CUX1: variants seen among roughly 807,000 people sequenced by gnomAD.
The protein encoded by CUX1 is cut like homeobox 1, also known as protein CASP.
CUX1 carries 31 observed loss-of-function variants against 158.8 expected under a neutral mutation model. The ratio of observed to expected loss-of-function variants is 0.20; its 90% CI spans 0.15 to 0.26. The LOEUF (loss-of-function observed/expected upper bound fraction) is 0.26. Ranked by LOEUF, CUX1 falls within the 10% of genes least tolerant of loss-of-function variation. The probability of loss-of-function intolerance (pLI) is 1.00; values close to 1 mark genes in which losing one functional copy is unlikely to be tolerated. For missense variants in CUX1, 1,589 were observed against 2,014.6 expected, an observed-to-expected ratio of 0.79 and a Z score of 4.04; for synonymous variants, 879 against 862.1, an observed-to-expected ratio of 1.02 and a Z score of -0.34.
chr7:101,984,109 T>A (rs561242509), intron 2 of CUX1, among the ~76,000 whole-genome samples: 1,142 of 39,908 alleles, frequency 0.029, 138 homozygotes, highest in Non-Finnish European at 0.054. Context: ...TATATATATA[T>A]ATATATATAT....
At chr7:102,194,927 G>A (rs1794631438) in intron 13 of CUX1, among the ~76,000 whole-genome samples, 1 of 152,046 alleles carries the variant, frequency 6.6e-6, no homozygotes, top group Non-Finnish European at 1.5e-5. Context: ...GGGAGGCTGA[G>A]GAAGGAGAAT....
At chr7:102,125,239 G>T (rs1303434916) in intron 8 of CUX1, among the ~76,000 whole-genome samples, 2 of 152,182 alleles carry the variant, frequency 1.3e-5, no homozygotes, top group Non-Finnish European at 2.9e-5. Context: ...AACGGCCTCT[G>T]TAGCGTTCAG....
intron 7 of CUX1, among the ~76,000 whole-genome samples, chr7:102,113,783 C>A (rs1554491026): frequency 6.6e-6 from 1 of 152,082 alleles, no homozygotes; most frequent in Non-Finnish European, 1.5e-5. Flanking sequence ...CCAGGCTGGT[C>A]TTGAAGTTCT....
chr7:102,229,903 T>C (rs571578904), intron 21 of CUX1, among the ~76,000 whole-genome samples: 45 of 152,296 alleles, frequency 3.0e-4, no homozygotes, highest in African/African-American at 1.0e-3. Flanking sequence ...ATTACAGGCA[T>C]GAGCCACCAC....
chr7:101,857,480 T>A (rs1796979670), intron 1 of CUX1, among the ~76,000 whole-genome samples: 1 of 152,208 alleles, frequency 6.6e-6, no homozygotes, highest in Non-Finnish European at 1.5e-5. Context: ...ACTGTAGGCC[T>A]CCGAAGTCAG....
At chr7:101,969,079 G>A (rs1394319384) in intron 2 of CUX1, among the ~76,000 whole-genome samples, 4 of 151,724 alleles carry the variant, frequency 2.6e-5, no homozygotes, top group Non-Finnish European at 4.4e-5. Flanking sequence ...TGTAACCCCA[G>A]CACTTTGGGA....
At chr7:102,223,937 C>G (rs1798090793) in intron 20 of CUX1, among the ~76,000 whole-genome samples, 1 of 152,168 alleles carries the variant, frequency 6.6e-6, no homozygotes, top group Admixed American at 6.5e-5. Context: ...GCACTCCAGC[C>G]TGGGCAACAG....
intron 20 of CUX1, among the ~76,000 whole-genome samples, chr7:102,222,433 G>T (rs947707213): frequency 6.6e-6 from 1 of 152,098 alleles, no homozygotes; most frequent in Non-Finnish European, 1.5e-5. Context: ...AAGTCACGTT[G>T]CCTGTCTGAG....
chr7:102,212,716 C>T (rs1554523508), intron 20 of CUX1, among the ~76,000 whole-genome samples: 1 of 142,800 alleles, frequency 7.0e-6, no homozygotes, highest in Non-Finnish European at 1.5e-5. Flanking sequence ...TCAGGACAGT[C>T]ATGCACCTAA....
intron 3 of CUX1, among the ~76,000 whole-genome samples, chr7:102,060,604 A>ATATACATATATAT (rs1563190107): frequency 2.9e-5 from 1 of 34,586 alleles, no homozygotes; most frequent in Admixed American, 4.1e-4. Flanking sequence ...CACACACACA[A>ATATACATATATAT]ATAAACACAC....
intron 6 of CUX1, 112 bp downstream of exon 6, chr7:102,104,571 A>G (rs1830138715): frequency 3.6e-6 from 5 of 1,392,020 alleles, no homozygotes; most frequent in Non-Finnish European, 4.9e-6. Flanking sequence ...TTGTAACCCC[A>G]AATCTATAAG....
At chr7:102,016,713 T>A (rs532339595) in intron 2 of CUX1, among the ~76,000 whole-genome samples, 1 of 152,346 alleles carries the variant, frequency 6.6e-6, no homozygotes, top group African/African-American at 2.4e-5. Flanking sequence ...TGTTCCCAGT[T>A]GTTCTCTGTT....
chr7:102,168,923 C>CTTTTTTTTTTT, intron 9 of CUX1, among the ~76,000 whole-genome samples: 1 of 45,052 alleles, frequency 2.2e-5, no homozygotes, highest in African/African-American at 1.6e-4. Context: ...ATTTTCTTTT[C>CTTTTTTTTTTT]TTTTCTTTTA....
downstream of CUX1, among the ~76,000 whole-genome samples, chr7:102,260,438 G>T (rs1308405503): frequency 7.4e-5 from 1 of 13,554 alleles, no homozygotes; most frequent in African/African-American, 2.0e-4. Context: ...ATGGAGTCTG[G>T]CTCTGTCACC....
intron 1 of CUX1, among the ~76,000 whole-genome samples, chr7:101,851,722 T>TA (rs1259170481): frequency 3.3e-5 from 5 of 152,230 alleles, no homozygotes; most frequent in Admixed American, 2.0e-4. Flanking sequence ...GCGTGGTTCT[T>TA]ATGGCCTGGT....
chr7:102,169,596 C>T, intron 9 of CUX1, among the ~76,000 whole-genome samples: 1 of 152,210 alleles, frequency 6.6e-6, no homozygotes, highest in East Asian at 1.9e-4. Flanking sequence ...GGACCGTGTT[C>T]CCATTTTCCA....
rs537970250 is a variant in CUX1 at position 102,030,691 on chromosome 7, G to GGTTTTTTTTTT, written c.189+2546_189+2547insGTTTTTTTTTT. On this transcript the variant is annotated intron_variant, in intron 3 of 23. Transcript: ENST00000292535. ...TATCTAATTTTCTATTTTAAAAAGT[G>GGTTTTTTTTTT]TTTTTTTTTTTTGAGACAGGGTCTC... Among the ~76,000 whole-genome samples the GGTTTTTTTTTT allele has an allele frequency of 8.8e-4, 105 of 119,368 alleles. 4 individuals are homozygous for GGTTTTTTTTTT. Among genetic ancestry groups the GGTTTTTTTTTT allele is most frequent in the African/African-American group, 2.6e-3 (84 of 32,284 alleles). 78.3% of individuals were successfully genotyped at this position (119,368 alleles called of 152,430 possible).
At chr7:102,124,220 A>G (rs1481499698) in intron 8 of CUX1, among the ~76,000 whole-genome samples, 1 of 152,220 alleles carries the variant, frequency 6.6e-6, no homozygotes, top group Admixed American at 6.5e-5. Flanking sequence ...GGGTGTCATG[A>G]CACACCCCTT....
chr7:101,882,532 A>C (rs1799821589), intron 1 of CUX1, among the ~76,000 whole-genome samples: 1 of 152,240 alleles, frequency 6.6e-6, no homozygotes. Context: ...GCATGAAGAC[A>C]CCTACAGAAA....
Sources: gnomAD v4.1 joint callset for allele counts (sites outside exome capture counted in the v4.1 genomes callset) on GRCh38, gnomAD v4.1.1 for gene constraint, MANE v1.5 for transcripts, NCBI Gene and HGNC (gene_info 2026-07-23, HGNC 2026-07-21) for gene names.